Variants in NRXN1 observed in about 807,000 individuals in gnomAD.
NRXN1 encodes neurexin 1.
A neutral mutation model predicts 150.9 loss-of-function variants in NRXN1; 39 were observed. The ratio of observed to expected loss-of-function variants is 0.26; its 90% CI spans 0.20 to 0.34. NRXN1 has a LOEUF of 0.34. Ranked by LOEUF, NRXN1 falls within the 10% of genes least tolerant of loss-of-function variation. The pLI, the probability that NRXN1 is intolerant of heterozygous loss-of-function variation, is 1.00. For missense variants in NRXN1, 1,815 were observed against 1,949.9 expected (o/e 0.93, Z 1.30); for synonymous variants, 924 against 757.0 (o/e 1.22, Z -3.62).
intron 12 of NRXN1, among the ~76,000 whole-genome samples, chr2:50,525,657 T>C (rs2105163974): frequency 6.6e-6 from 1 of 152,352 alleles, no homozygotes; most frequent in Admixed American, 6.5e-5. Context: ...ATCTGCAAGA[T>C]CAAAACATAC....
chr2:50,484,709 G>A (rs1418636639), intron 15 of NRXN1, among the ~76,000 whole-genome samples: 1 of 152,154 alleles, frequency 6.6e-6, no homozygotes, highest in African/African-American at 2.4e-5. Flanking sequence ...GAACTTCAGG[G>A]GCTAAGAAGA....
At chr2:50,634,242 T>C (rs1420499459) in intron 5 of NRXN1, among the ~76,000 whole-genome samples, 1 of 152,178 alleles carries the variant, frequency 6.6e-6, no homozygotes, top group Admixed American at 6.5e-5. Flanking sequence ...GTGTGGAAAA[T>C]AAACTCTGCG....
At chr2:49,936,602 A>G (rs1438714867) in intron 22 of NRXN1, among the ~76,000 whole-genome samples, 1 of 152,126 alleles carries the variant, frequency 6.6e-6, no homozygotes, top group East Asian at 1.9e-4. Context: ...TGCGTCTCAA[A>G]TTAGTTCTAT....
At chr2:50,984,387 G>T (rs1275773349) in intron 2 of NRXN1, among the ~76,000 whole-genome samples, 2 of 151,762 alleles carry the variant, frequency 1.3e-5, no homozygotes, top group South Asian at 4.1e-4. Flanking sequence ...AATATATAAC[G>T]AAGAGTGTAT....
At chr2:50,434,490 T>C (rs1423516539) in intron 17 of NRXN1, among the ~76,000 whole-genome samples, 1 of 152,098 alleles carries the variant, frequency 6.6e-6, no homozygotes, top group African/African-American at 2.4e-5. Context: ...CAAGACTGAA[T>C]AAGGTTTCCT....
chr2:50,937,049 G>T (rs1235378944), intron 2 of NRXN1, among the ~76,000 whole-genome samples: 2 of 152,038 alleles, frequency 1.3e-5, no homozygotes, highest in African/African-American at 2.4e-5. Context: ...TCACAAATAA[G>T]ATAAATCTAA....
In NRXN1 at chr2:50,383,253, C is replaced by G. The variant is rs182288179; in HGVS notation, c.3364+82189G>C. 4.4e-3 allele frequency among the ~76,000 whole-genome samples: 671 copies of G among 152,120 alleles called. 3 individuals carry two copies. The highest frequency in any genetic ancestry group is 7.8e-3 in the Non-Finnish European group (532 of 68,006). ...GTCTGATCATTCAGTATTGAATTGA[C>G]CTAGGAAATACTCTAGAAGATACTT... On this transcript the variant is annotated intron_variant, in intron 17 of 22. Coordinates refer to ENST00000401669, the MANE Select transcript of NRXN1 (RefSeq NM_001330078.2).
chr2:49,970,805 A>G (rs578164535), intron 21 of NRXN1, among the ~76,000 whole-genome samples: 1 of 152,256 alleles, frequency 6.6e-6, no homozygotes, highest in East Asian at 1.9e-4. Context: ...CAAGTTCTGA[A>G]GCAAATGGAT....
At chr2:50,894,593 C>G (rs1304326104) in intron 5 of NRXN1, among the ~76,000 whole-genome samples, 1 of 151,930 alleles carries the variant, frequency 6.6e-6, no homozygotes, top group African/African-American at 2.4e-5. Context: ...TTTATAGTGT[C>G]TAAGATCTAC....
intron 18 of NRXN1, among the ~76,000 whole-genome samples, chr2:50,151,795 T>C (rs1180748974): frequency 6.6e-6 from 1 of 151,748 alleles, no homozygotes. Flanking sequence ...ATTAGATAAC[T>C]GTATACTTTA....
chr2:50,802,536 A>AGGAG (rs1391233284), intron 5 of NRXN1, among the ~76,000 whole-genome samples: 2 of 146,244 alleles, frequency 1.4e-5, no homozygotes, highest in Non-Finnish European at 3.0e-5. Context: ...GAAGGAAGGA[A>AGGAG]GGAAGGAAGG....
chr2:50,342,057 C>G (rs1432636085), intron 17 of NRXN1, among the ~76,000 whole-genome samples: 1 of 152,194 alleles, frequency 6.6e-6, no homozygotes, highest in Non-Finnish European at 1.5e-5. Flanking sequence ...CTCCTCCAAC[C>G]TCAACTCTAC....
intron 18 of NRXN1, chr2:50,185,417 ATGTAG>A (rs1008826661): frequency 6.6e-5 from 10 of 152,054 alleles, no homozygotes; most frequent in Admixed American, 5.9e-4. Context: ...AGAAAATATG[ATGTAG>A]TCAAGAAGTT....
intron 5 of NRXN1, among the ~76,000 whole-genome samples, chr2:50,849,698 T>C (rs934427667): frequency 2.0e-5 from 3 of 152,186 alleles, no homozygotes; most frequent in African/African-American, 7.2e-5. Flanking sequence ...TAACTTCTCT[T>C]TGATACACTG....
Position 50,443,841 on chromosome 2 carries a change from A to G in NRXN1, c.3364+21601T>C, listed in dbSNP as rs190690786. Among the ~76,000 whole-genome samples, 461 of 152,284 alleles carry G rather than the reference A, an allele frequency of 3.0e-3. 1 individual carries two copies. Among genetic ancestry groups the G allele is most frequent in the African/African-American group, 0.01 (426 of 41,568 alleles). On this transcript the variant is annotated intron_variant, in intron 17 of 22. Transcript: ENST00000401669. ...AGACTTTCAATATACACTTTATAAA[A>G]TCTGTCCTCTGTTGTCTGTGGGGAT...
At chr2:50,791,300 C>T (rs546595412) in intron 5 of NRXN1, among the ~76,000 whole-genome samples, 65 of 106,052 alleles carry the variant, frequency 6.1e-4, no homozygotes, top group African/African-American at 2.4e-3. Flanking sequence ...CAGGAGATTC[C>T]AAACTGCTTG....
At chr2:50,929,302 A>G (rs1438484649) in intron 2 of NRXN1, among the ~76,000 whole-genome samples, 2 of 152,092 alleles carry the variant, frequency 1.3e-5, no homozygotes, top group Non-Finnish European at 2.9e-5. Flanking sequence ...AAAAATTAAA[A>G]TTTGGAATAA....
At chr2:50,972,089 A>AC (rs1695093157) in intron 2 of NRXN1, among the ~76,000 whole-genome samples, 4 of 122,128 alleles carry the variant, frequency 3.3e-5, no homozygotes, top group African/African-American at 1.1e-4. Context: ...TTTATTCACA[A>AC]AAAAAAAAAA....
At chr2:50,764,599 A>T (rs182486368) in intron 5 of NRXN1, among the ~76,000 whole-genome samples, 135 of 152,112 alleles carry the variant, frequency 8.9e-4, no homozygotes, top group African/African-American at 3.1e-3. Context: ...CCCATTTTGT[A>T]GATGAGGAAA....
Sources: allele counts gnomAD v4.1 joint callset (sites outside exome capture counted in the v4.1 genomes callset), GRCh38; gene constraint gnomAD v4.1.1; transcripts MANE v1.5; gene names NCBI Gene and HGNC (gene_info 2026-07-23, HGNC 2026-07-21).